LTBP1: variants seen among roughly 807,000 people sequenced by gnomAD.
The protein encoded by LTBP1 is latent transforming growth factor beta binding protein 1, also known as latent-transforming growth factor beta-binding protein 1.
A neutral mutation model predicts 207.6 loss-of-function variants in LTBP1; 129 were observed. That is an observed-to-expected ratio of 0.62 (90% CI 0.54 to 0.72). The LOEUF (loss-of-function observed/expected upper bound fraction) is 0.72, where lower values mean the gene tolerates loss of function less well. LTBP1 is among the 30% of genes least tolerant of loss of function. The pLI, the probability that LTBP1 is intolerant of heterozygous loss-of-function variation, is 0.00. For synonymous variants in LTBP1, 963 were observed against 833.7 expected (o/e 1.16, Z -2.67); for missense variants, 2,281 against 2,217.2 (o/e 1.03, Z -0.58).
intron 3 of LTBP1, among the ~76,000 whole-genome samples, chr2:33,033,956 A>C (rs1369569378): frequency 6.6e-6 from 1 of 152,188 alleles, no homozygotes; most frequent in East Asian, 1.9e-4. Context: ...TGTTTGCCAT[A>C]TAAGCCTCTC....
intron 22 of LTBP1, among the ~76,000 whole-genome samples, chr2:33,307,201 A>C (rs1303754377): frequency 6.6e-6 from 1 of 152,226 alleles, no homozygotes; most frequent in African/African-American, 2.4e-5. Context: ...TGGGAATGTA[A>C]TTGCTACAGC....
At chr2:33,229,221 G>A (rs952292296) in intron 9 of LTBP1, among the ~76,000 whole-genome samples, 4 of 152,176 alleles carry the variant, frequency 2.6e-5, no homozygotes, top group African/African-American at 9.7e-5. Context: ...TGTATTCCCA[G>A]CACTTTGGGA....
At chr2:33,380,363 G>A (rs1284790070) in intron 31 of LTBP1, among the ~76,000 whole-genome samples, 1 of 151,200 alleles carries the variant, frequency 6.6e-6, no homozygotes, top group Admixed American at 6.6e-5. Context: ...GATCACCTGA[G>A]GTCAGGAGTT....
chr2:33,145,125 G>T (rs2082918058), intron 5 of LTBP1, among the ~76,000 whole-genome samples: 1 of 152,116 alleles, frequency 6.6e-6, no homozygotes, highest in African/African-American at 2.4e-5. Context: ...ATTAAAACTT[G>T]ATTTTCTATT....
chr2:33,091,435 C>T (rs1475150439), intron 3 of LTBP1, among the ~76,000 whole-genome samples: 1 of 152,130 alleles, frequency 6.6e-6, no homozygotes, highest in Non-Finnish European at 1.5e-5. Context: ...TAAATAGTGC[C>T]TGAGGATACT....
At chr2:33,106,254 A>G (rs1278215541) in intron 3 of LTBP1, among the ~76,000 whole-genome samples, 2 of 152,234 alleles carry the variant, frequency 1.3e-5, no homozygotes, top group Non-Finnish European at 1.5e-5. Context: ...TGGGTCATCC[A>G]TGAGAGTTGG....
intron 13 of LTBP1, 40 bp downstream of exon 13, chr2:33,259,650 C>T (rs1573478788): frequency 6.3e-7 from 1 of 1,575,650 alleles, no homozygotes; most frequent in Non-Finnish European, 8.6e-7. Flanking sequence ...TTTTTCAACG[C>T]TCAAAGTGAT....
At chr2:33,390,395 A>G (rs904348737) in intron 32 of LTBP1, among the ~76,000 whole-genome samples, 1 of 152,192 alleles carries the variant, frequency 6.6e-6, no homozygotes, top group Non-Finnish European at 1.5e-5. Context: ...TAGATAGTAG[A>G]TAGTCTCACT....
At chr2:33,040,445 G>A (rs2076127216) in intron 3 of LTBP1, among the ~76,000 whole-genome samples, 1 of 152,218 alleles carries the variant, frequency 6.6e-6, no homozygotes, top group African/African-American at 2.4e-5. Context: ...TAAAGGTAAT[G>A]AGAGGAGCTT....
At chr2:33,012,735 A>G (rs994112163) in intron 2 of LTBP1, among the ~76,000 whole-genome samples, 2 of 152,238 alleles carry the variant, frequency 1.3e-5, no homozygotes, top group African/African-American at 4.8e-5. Context: ...TTTAAAGATT[A>G]TTTAGAAAGG....
intron 3 of LTBP1, among the ~76,000 whole-genome samples, chr2:33,108,754 A>G (rs2080218650): frequency 6.6e-6 from 1 of 152,090 alleles, no homozygotes; most frequent in Non-Finnish European, 1.5e-5. Context: ...CCGGAGGGCA[A>G]ATTGCTTCCG....
In LTBP1 at chr2:33,293,290, C is replaced by A. The variant is rs755742793; in HGVS notation, c.3235+8C>A. ...ACCACAAGCACTGTAGAGGTAAATA[C>A]TGTGATCAAGTTTCCCATTTTTATT... On this transcript the variant is annotated splice_region_variant and intron_variant, in intron 20 of 33. Coordinates refer to ENST00000404816, the MANE Select transcript of LTBP1 (RefSeq NM_206943.4). The A allele has an allele frequency of 6.3e-7, 1 of 1,587,086 alleles. No homozygotes were observed. Among genetic ancestry groups the A allele is most frequent in the Non-Finnish European group, 8.5e-7 (1 of 1,172,464 alleles).
intron 2 of LTBP1, among the ~76,000 whole-genome samples, chr2:32,990,900 C>G (rs1684305952): frequency 1.3e-5 from 2 of 152,088 alleles, no homozygotes; most frequent in Non-Finnish European, 2.9e-5. Flanking sequence ...TGGATGCTGT[C>G]TTTTCTCTGG....
chr2:33,030,024 TA>T (rs1038397601), intron 3 of LTBP1, among the ~76,000 whole-genome samples: 1 of 152,164 alleles, frequency 6.6e-6, no homozygotes, highest in Non-Finnish European at 1.5e-5. Flanking sequence ...ATTTATTTTT[TA>T]AAAAACTCTC....
rs529826204 is a variant in LTBP1 at position 33,319,264 on chromosome 2, G to A, written c.3730+3995G>A. ...AATACAAAAATTAGCTGGGTGTGGT[G>A]GCAGGCACCTGTCATCCCAGCTACT... On this transcript the variant is annotated intron_variant, in intron 24 of 33. Coordinates refer to ENST00000404816, the MANE Select transcript of LTBP1 (RefSeq NM_206943.4). 4.6e-5 allele frequency among the ~76,000 whole-genome samples: 7 copies of A among 152,130 alleles called. No individual in the cohort carries two copies. In the East Asian group the frequency reaches 1.4e-3, roughly 30 times the overall value.
At chr2:33,081,058 G>A (rs983499936) in intron 3 of LTBP1, among the ~76,000 whole-genome samples, 15 of 152,136 alleles carry the variant, frequency 9.9e-5, no homozygotes, top group Non-Finnish European at 4.4e-5. Context: ...GATGAAGAGT[G>A]AACTTTTGTG....
chr2:33,076,254 G>A (rs1455425381), intron 3 of LTBP1, among the ~76,000 whole-genome samples: 2 of 152,154 alleles, frequency 1.3e-5, no homozygotes, highest in East Asian at 3.9e-4. Flanking sequence ...TAAAAAAGAA[G>A]GTAGGGTATG....
chr2:33,039,334 C>T (rs1443733615), intron 3 of LTBP1, among the ~76,000 whole-genome samples: 5 of 151,076 alleles, frequency 3.3e-5, no homozygotes, highest in East Asian at 1.9e-4. Context: ...ATTGTTCTTT[C>T]GGAGAGAGAA....
At chr2:33,361,987 T>C (rs2094932487) in intron 28 of LTBP1, among the ~76,000 whole-genome samples, 1 of 152,150 alleles carries the variant, frequency 6.6e-6, no homozygotes, top group Admixed American at 6.6e-5. Flanking sequence ...CTTTTACCAG[T>C]GTGCACAAGT....
Sources: allele counts gnomAD v4.1 joint callset (sites outside exome capture counted in the v4.1 genomes callset), GRCh38; gene constraint gnomAD v4.1.1; transcripts MANE v1.5; gene names NCBI Gene and HGNC (gene_info 2026-07-23, HGNC 2026-07-21).